RABGAP1: variants seen among roughly 807,000 people sequenced by gnomAD.
RABGAP1 encodes RAB GTPase activating protein 1.
In RABGAP1, 23 loss-of-function variants were observed where a neutral mutation model predicts 137.6. The ratio of observed to expected loss-of-function variants is 0.17; its 90% CI spans 0.12 to 0.24. The LOEUF is 0.24. Ranked by LOEUF, RABGAP1 falls within the 10% of genes least tolerant of loss-of-function variation. The pLI, the probability that RABGAP1 is intolerant of heterozygous loss-of-function variation, is 1.00. For missense variants in RABGAP1, 906 were observed against 1,275.8 expected (o/e 0.71, Z 4.42); for synonymous variants, 451 against 450.7 (o/e 1.00, Z -0.01).
At chr9:122,997,806 T>A (rs1837111340) in intron 9 of RABGAP1, among the ~76,000 whole-genome samples, 1 of 152,214 alleles carries the variant, frequency 6.6e-6, no homozygotes, top group Non-Finnish European at 1.5e-5. Flanking sequence ...AGATATTTCA[T>A]ATGCTCTTTG....
intron 13 of RABGAP1, among the ~76,000 whole-genome samples, chr9:123,053,739 A>G (rs2033584143): frequency 6.6e-6 from 1 of 152,198 alleles, no homozygotes; most frequent in Non-Finnish European, 1.5e-5. Flanking sequence ...AAGAAGAACT[A>G]ACTTTTTCTT....
intron 5 of RABGAP1, 147 bp from the exon 6 acceptor site, chr9:122,989,909 A>G (rs1297084621): frequency 1.1e-6 from 1 of 888,290 alleles, no homozygotes; most frequent in Non-Finnish European, 1.7e-6. Flanking sequence ...TGCTTGCTTT[A>G]TAGGCCTAAC....
intron 6 of RABGAP1, among the ~76,000 whole-genome samples, chr9:122,994,148 C>T (rs1291186719): frequency 6.6e-6 from 1 of 152,146 alleles, no homozygotes; most frequent in African/African-American, 2.4e-5. Context: ...ATACTAAATT[C>T]CCTACTTGGA....
chr9:123,034,995 C>T (rs1293768671), intron 13 of RABGAP1: 7 of 1,613,624 alleles, frequency 4.3e-6, no homozygotes, highest in Non-Finnish European at 5.9e-6. Flanking sequence ...TGGTTACACC[C>T]TGGAGACTAC....
At chr9:122,974,000 C>T (rs532907514) in intron 2 of RABGAP1, among the ~76,000 whole-genome samples, 5 of 147,000 alleles carry the variant, frequency 3.4e-5, no homozygotes, top group Non-Finnish European at 4.5e-5. Flanking sequence ...AGCGAAACTT[C>T]GTCTCAAACC....
intron 13 of RABGAP1, among the ~76,000 whole-genome samples, chr9:123,025,292 G>A (rs962037181): frequency 6.6e-6 from 1 of 152,062 alleles, no homozygotes; most frequent in East Asian, 1.9e-4. Flanking sequence ...GATTAAAAAG[G>A]CTTTGTATTA....
At chr9:122,935,459 T>C in the RABGAP1 span, among the ~76,000 whole-genome samples, 10 of 152,276 alleles carry the variant, frequency 6.6e-5, no homozygotes, top group Non-Finnish European at 1.5e-4. Flanking sequence ...TGCCTCAGCC[T>C]CCCGAGTAGC....
At chr9:122,994,310 G>A (rs1297462800) in intron 6 of RABGAP1, among the ~76,000 whole-genome samples, 1 of 152,154 alleles carries the variant, frequency 6.6e-6, no homozygotes, top group African/African-American at 2.4e-5. Flanking sequence ...TCTGTCTATT[G>A]TTGTTGTTTT....
chr9:123,053,707 TG>T (rs1214371088), intron 13 of RABGAP1, among the ~76,000 whole-genome samples: 1 of 152,214 alleles, frequency 6.6e-6, no homozygotes, highest in Non-Finnish European at 1.5e-5. Flanking sequence ...ATAAAGCATC[TG>T]TAACATTCTG....
chr9:122,970,467 CTTTTA>C (rs920424006), intron 2 of RABGAP1, among the ~76,000 whole-genome samples: 2 of 152,018 alleles, frequency 1.3e-5, no homozygotes, highest in African/African-American at 4.8e-5. Context: ...TTTTTTTAAA[CTTTTA>C]TTTTAGATTC....
chr9:122,957,860 C>T (rs1380324527), intron 2 of RABGAP1, among the ~76,000 whole-genome samples: 1 of 151,482 alleles, frequency 6.6e-6, no homozygotes, highest in Non-Finnish European at 1.5e-5. Flanking sequence ...AGGCAAAACT[C>T]CCTGCCCTTC....
rs550632041 is a variant in RABGAP1 at position 123,066,977 on chromosome 9, T to C, written c.1908+1516T>C. Among the ~76,000 whole-genome samples, 12 of 152,298 alleles carry C rather than the reference T, an allele frequency of 7.9e-5. No homozygotes were observed. The South Asian group carries it at 2.5e-3, about 32-fold the overall frequency. ...ATCTTTTTTTTCCTTTTTTCTAAAG[T>C]ACTTTAAAACAAATCTTAGACATCA... On this transcript the variant is annotated intron_variant, in intron 14 of 25. Coordinates refer to ENST00000373647, the MANE Select transcript of RABGAP1 (RefSeq NM_012197.4).
intron 13 of RABGAP1, chr9:123,035,522 CAG>C (rs761936390): frequency 2.2e-5 from 36 of 1,613,776 alleles, no homozygotes; most frequent in African/African-American, 6.7e-5. Flanking sequence ...AAGCGCCTCT[CAG>C]GGGCTATGTG....
At chr9:122,934,415 T>C in the RABGAP1 span, among the ~76,000 whole-genome samples, 487 of 152,312 alleles carry the variant, frequency 3.2e-3, 2 homozygotes, top group South Asian at 6.4e-3. Context: ...TGTCTTTGGA[T>C]GTCAAGTGAT....
intron 24 of RABGAP1, among the ~76,000 whole-genome samples, 161 bp downstream of exon 24, chr9:123,099,710 G>A (rs190705993): frequency 1.3e-5 from 2 of 152,294 alleles, no homozygotes; most frequent in East Asian, 1.9e-4. Context: ...CTAACACTAC[G>A]CCTGTTTTCT....
intron 13 of RABGAP1, among the ~76,000 whole-genome samples, chr9:123,057,469 G>A (rs1231163901): frequency 1.3e-5 from 2 of 151,582 alleles, no homozygotes; most frequent in Non-Finnish European, 2.9e-5. Flanking sequence ...GCCGGGCAGA[G>A]ATGCTCCTCA....
intron 1 of RABGAP1, among the ~76,000 whole-genome samples, chr9:122,941,320 T>G (rs921536801): frequency 4.6e-5 from 7 of 152,342 alleles, no homozygotes; most frequent in Admixed American, 2.0e-4. Context: ...GCTGGGCCGC[T>G]CTGGGAGCCC....
intron 10 of RABGAP1, among the ~76,000 whole-genome samples, chr9:123,003,867 A>G (rs1471661496): frequency 1.3e-5 from 2 of 152,274 alleles, no homozygotes; most frequent in Non-Finnish European, 2.9e-5. Flanking sequence ...TCTTATAACT[A>G]TAGAATAATG....
chr9:123,006,695 C>T (rs189305144), intron 10 of RABGAP1, among the ~76,000 whole-genome samples: 12 of 152,322 alleles, frequency 7.9e-5, no homozygotes, highest in Admixed American at 7.2e-4. Context: ...GCAGCCTCCA[C>T]CTCCCTGGTT....
Sources: gnomAD v4.1 joint callset for allele counts (sites outside exome capture counted in the v4.1 genomes callset) on GRCh38, gnomAD v4.1.1 for gene constraint, MANE v1.5 for transcripts, NCBI Gene and HGNC (gene_info 2026-07-23, HGNC 2026-07-21) for gene names.